MYO15A: variants seen among roughly 807,000 people sequenced by gnomAD.
MYO15A encodes myosin XVA.
In MYO15A, 308 loss-of-function variants were observed where a neutral mutation model predicts 394.6. The observed-to-expected ratio is 0.78, with a 90% CI of 0.71 to 0.86. The LOEUF is 0.86. Among genes scored for constraint, MYO15A ranks in the 40% least tolerant of loss-of-function variants. The pLI is 0.00. For synonymous variants in MYO15A, 1,957 were observed against 2,003.8 expected, an observed-to-expected ratio of 0.98 and a Z score of 0.62; for missense variants, 4,606 against 4,799.1, an observed-to-expected ratio of 0.96 and a Z score of 1.19.
chr17:18,120,817 G>A lies in MYO15A; in HGVS notation c.2017G>A (p.Gly673Arg), dbSNP rs1462012083. 28 of 1,218,272 alleles carry A rather than the reference G, an allele frequency of 2.3e-5. No individual in the cohort carries two copies. In the East Asian group the frequency reaches 7.3e-4, roughly 32 times the overall value. 75.5% of individuals were successfully genotyped at this position (1,218,272 alleles called of 1,614,324 possible). The part of the protein sequence containing the change: ...PPVPPRPPSS[G>R]PPPAPPLSPA... ...CGTGCCCCCGCGGCCCCCAAGCTCC[G>A]GGCCCCCGCCCGCGCCGCCGCTCTC... Residue 673 changes from glycine to arginine, a missense_variant, in exon 2 of 66, where the codon GGG becomes AGG. This residue lies in a region of MYO15A where 1,830 missense variants were observed against 1,689.7 expected (regional missense o/e 1.08). Coordinates refer to ENST00000647165, the MANE Select transcript of MYO15A (RefSeq NM_016239.4).
Position 18,132,697 on chromosome 17 carries a change from G to A in MYO15A, c.4320+131G>A. The A allele has an allele frequency of 1.3e-6, 1 of 767,274 alleles. No homozygotes were observed. Among genetic ancestry groups the A allele is most frequent in the Non-Finnish European group, 2.2e-6 (1 of 448,930 alleles). The allele number at this position is 767,274 out of a possible 1,614,324, so 47.5% of individuals were successfully genotyped here. A position where few individuals can be genotyped will look rare whatever the true frequency, so the allele number is the denominator to read the frequency against. ...AAGGAGATTTGGGGAGGGTGAGTTT[G>A]GATTTAAGACATCTCATGGCAGTGA... On this transcript the variant is annotated intron_variant, in intron 11 of 65. Transcript: ENST00000647165. The surrounding 1 kb of genome is among the most constrained non-coding windows in gnomAD (Gnocchi z 4.6).
intron 18 of MYO15A, 115 bp downstream of exon 18, chr17:18,139,051 G>C (rs2046332329): frequency 6.8e-7 from 1 of 1,462,892 alleles, no homozygotes; most frequent in Non-Finnish European, 9.3e-7. Context: ...TTCTGGCTCT[G>C]CTGTGCCCCA....
At position 18,120,399 on chromosome 17, in the gene MYO15A, C is replaced by T. The variant is rs2045892499; in HGVS notation, c.1599C>T (p.Gly533=). Residue 533 remains glycine, a synonymous_variant, in exon 2 of 66, where the codon GGC becomes GGT. Coordinates refer to ENST00000647165, the MANE Select transcript of MYO15A (RefSeq NM_016239.4). ...TGCCCTACGGCCACCCTTTCTGGGG[C>T]TTCCTCACGCCGCGCCAGCGCAACC... ...SAVPYGHPFW[G]FLTPRQRNLQ... 1.2e-6 allele frequency: 2 copies of T among 1,608,246 alleles called. No individual in the cohort carries two copies. The highest frequency in any genetic ancestry group is 1.3e-5 in the African/African-American group (1 of 74,870).
intron 43 of MYO15A, 113 bp from the exon 44 acceptor site, chr17:18,154,018 A>G (rs1004189742): frequency 1.2e-6 from 2 of 1,602,270 alleles, no homozygotes; most frequent in African/African-American, 1.3e-5. Flanking sequence ...GGCCGGGCTG[A>G]AACCAGGGGT....
At chr17:18,171,211 T>C (rs34474249) in intron 62 of MYO15A, among the ~76,000 whole-genome samples, 28,852 of 152,176 alleles carry the variant, frequency 0.19, 2,877 homozygotes, top group Middle Eastern at 0.26. Context: ...CTGCTCAAGG[T>C]TCTGCACAGC....
chr17:18,140,619 G>A lies in MYO15A; in HGVS notation c.5314G>A (p.Ala1772Thr), dbSNP rs774057633. ...TRLYKAHTVAAKFQQSLLDLV... is the reference protein window; with the variant it reads ...TRLYKAHTVATKFQQSLLDLV... ...GCTCTACAAGGCGCACACTGTGGCC[G>A]CCAAGTTCCAGCAGTCACTCCTGGA... The change falls in exon 20 of 66, where the codon GCC (alanine) becomes ACC (threonine). Residue 1772 changes from alanine (A) to threonine (T), a missense_variant. This residue lies in a region of MYO15A where 2,776 missense variants were observed against 3,109.3 expected (regional missense o/e 0.89). Coordinates refer to ENST00000647165, the MANE Select transcript of MYO15A (RefSeq NM_016239.4). 54 of 1,613,656 alleles carry A rather than the reference G, an allele frequency of 3.3e-5. 1 individual carries two copies. The highest frequency in any genetic ancestry group is 1.6e-4 in the Middle Eastern group (1 of 6,084).
rs368106470 is a variant in MYO15A, at chr17:18,163,836, G to A, written c.9785G>A (p.Arg3262His). ...NEYVIFVVTNRGQHVCPLSRR... is the reference protein window; with the variant it reads ...NEYVIFVVTNHGQHVCPLSRR... ...TATGTTATCTTCGTTGTCACCAACC[G>A]TGGTGAGTGCCAGGAAGACTGAGCA... is the stretch of plus-strand genomic sequence containing the variant. Residue 3262 changes from arginine to histidine, a missense_variant and splice_region_variant, in exon 60 of 66, where the codon CGT (arginine) becomes CAT (histidine). This residue lies in a region of MYO15A where 2,776 missense variants were observed against 3,109.3 expected (regional missense o/e 0.89). Coordinates refer to ENST00000647165, the MANE Select transcript of MYO15A (RefSeq NM_016239.4). The A allele has an allele frequency of 1.6e-5, 26 of 1,612,968 alleles. No individual in the cohort carries two copies. Among genetic ancestry groups the A allele is most frequent in the East Asian group, 6.7e-5 (3 of 44,870 alleles).
Position 18,118,708 on chromosome 17 carries a change from A to G in MYO15A, c.-93A>G. On this transcript the variant is annotated 5_prime_UTR_variant, in exon 2 of 66. Coordinates refer to ENST00000647165, the MANE Select transcript of MYO15A (RefSeq NM_016239.4). ...CACAGCCCGAGGAGGCCGCGTGTCC[A>G]GCCGCGGGCAAGAGACAGAGCAGGT... 6.3e-7 allele frequency: 1 copy of G among 1,586,464 alleles called. No individual in the cohort carries two copies. The highest frequency in any genetic ancestry group is 1.1e-5 in the South Asian group (1 of 87,360).
At chr17:18,144,041 C>T (rs1597796397) in intron 28 of MYO15A, 41 bp downstream of exon 28, 6 of 1,612,172 alleles carry the variant, frequency 3.7e-6, no homozygotes, top group South Asian at 1.1e-5. Context: ...GGCTGATAGG[C>T]GCTGACCAAT....
At chr17:18,114,879 A>G (rs1348722001) in intron 1 of MYO15A, among the ~76,000 whole-genome samples, 1 of 151,416 alleles carries the variant, frequency 6.6e-6, no homozygotes, top group African/African-American at 2.4e-5. Flanking sequence ...TCTTCCCTCT[A>G]TACTCATTCC....
chr17:18,152,593 T>C (rs2046603363), intron 42 of MYO15A, among the ~76,000 whole-genome samples: 1 of 137,938 alleles, frequency 7.2e-6, no homozygotes, highest in South Asian at 2.3e-4. Context: ...TTAACAGCTA[T>C]AAAGCAGTTC....
chr17:18,150,663 C>T lies in MYO15A; in HGVS notation c.7328-35C>T, dbSNP rs564703240. On this transcript the variant is annotated intron_variant, in intron 36 of 65. Transcript: ENST00000647165. This position sits in a 1 kb window ranked among gnomAD's most constrained non-coding sequence, Gnocchi z 4.4. ...GAGAGGACAGGGAGGAGGGCATCTC[C>T]GGTGCCATCTGTGCCTTCTGCCCCC... The T allele has an allele frequency of 4.6e-5, 74 of 1,592,294 alleles. No homozygotes were observed. The South Asian group carries it at 5.1e-4, about 11-fold the overall frequency.
chr17:18,179,350 G>A lies in MYO15A; in HGVS notation c.*480G>A. On this transcript the variant is annotated 3_prime_UTR_variant, in exon 66 of 66. Transcript: ENST00000647165. Reference sequence around the variant, plus strand: ...GTGCTGCCAGTCAGCCTGGATTTCTGGTCTTTGGTTATTTCTGTGCAAACA... The same window carrying A: ...GTGCTGCCAGTCAGCCTGGATTTCTAGTCTTTGGTTATTTCTGTGCAAACA... The A allele has an allele frequency of 4.9e-6, 1 of 205,514 alleles. No individual in the cohort carries two copies. Among genetic ancestry groups the A allele is most frequent in the Non-Finnish European group, 1.0e-5 (1 of 98,516 alleles). The allele number at this position is 205,514 out of a possible 1,614,324, so 12.7% of individuals were successfully genotyped here. A position where few individuals can be genotyped will look rare whatever the true frequency, so the allele number is the denominator to read the frequency against.
Position 18,118,685 on chromosome 17 carries a change from C to A in MYO15A, c.-116C>A. On this transcript the variant is annotated 5_prime_UTR_variant, in exon 2 of 66. Coordinates refer to ENST00000647165, the MANE Select transcript of MYO15A (RefSeq NM_016239.4). ...ACCCAGGGCCAGTCGGGTCTGCTCA[C>A]AGCCCGAGGAGGCCGCGTGTCCAGC... 1 of 1,537,406 alleles carries A rather than the reference C, an allele frequency of 6.5e-7. No individual in the cohort carries two copies. The highest frequency in any genetic ancestry group is 1.2e-5 in the South Asian group (1 of 82,658).
rs771248857 is a variant in MYO15A at position 18,121,652 on chromosome 17, G to A, written c.2852G>A (p.Arg951Gln). The A allele has an allele frequency of 5.3e-6, 7 of 1,332,862 alleles. No individual in the cohort carries two copies. Among genetic ancestry groups the A allele is most frequent in the African/African-American group, 3.2e-5 (2 of 62,670 alleles). The allele number at this position is 1,332,862 out of a possible 1,614,324, so 82.6% of individuals were successfully genotyped here. A position where few individuals can be genotyped will look rare whatever the true frequency, so the allele number is the denominator to read the frequency against. ...TGGCCAGGAGGTGCAGGCAGCCGCCGAGGCTTTTCCAGGCCACCCCCTGTG... is the reference window on the plus strand; with the variant it reads ...TGGCCAGGAGGTGCAGGCAGCCGCCAAGGCTTTTCCAGGCCACCCCCTGTG... ...SPWPGGAGSR[R>Q]GFSRPPPVPE... The change falls in exon 2 of 66, where the codon CGA becomes CAA. Residue 951 changes from arginine (R) to glutamine (Q), a missense_variant. Around this residue, in one of 2 missense-constraint regions of MYO15A, gnomAD observed 1,830 missense variants for 1,689.7 expected, o/e 1.08. Coordinates refer to ENST00000647165, the MANE Select transcript of MYO15A (RefSeq NM_016239.4). This position sits in a 1 kb window ranked among gnomAD's most constrained non-coding sequence, Gnocchi z 5.3.
At position 18,120,814 on chromosome 17, in the gene MYO15A, T is replaced by C. The variant is rs973362601; in HGVS notation, c.2014T>C (p.Ser672Pro). Residue 672 changes from serine to proline, a missense_variant, in exon 2 of 66, where the codon TCC (serine) becomes CCC (proline). Transcript: ENST00000647165. ...SPPVPPRPPS[S>P]GPPPAPPLSP... ...GCCCGTGCCCCCGCGGCCCCCAAGC[T>C]CCGGGCCCCCGCCCGCGCCGCCGCT... is the stretch of plus-strand genomic sequence containing the variant. 217 of 1,230,264 alleles carry C rather than the reference T, an allele frequency of 1.8e-4. 2 individuals are homozygous for C. The African/African-American group carries it at 3.2e-3, about 18-fold the overall frequency. The allele number at this position is 1,230,264 out of a possible 1,614,324, so 76.2% of individuals were successfully genotyped here.
chr17:18,112,410 G>A (rs975375408), intron 1 of MYO15A, among the ~76,000 whole-genome samples: 2 of 151,370 alleles, frequency 1.3e-5, no homozygotes, highest in African/African-American at 4.9e-5. Context: ...TTGGGGGGTC[G>A]TGGGGGACAG....
rs897497518 is a variant in MYO15A, at chr17:18,143,816, G to T, written c.6046+20G>T. ...TGGCAGGTGGGTCAGCACCAGGCGGGGGGAGGGCCCAGGCAGATCAGAGCA... is the reference window on the plus strand; with the variant it reads ...TGGCAGGTGGGTCAGCACCAGGCGGTGGGAGGGCCCAGGCAGATCAGAGCA... On this transcript the variant is annotated intron_variant, in intron 27 of 65. Coordinates refer to ENST00000647165, the MANE Select transcript of MYO15A (RefSeq NM_016239.4). The T allele has an allele frequency of 1.3e-6, 2 of 1,573,226 alleles. No homozygotes were observed. The highest frequency in any genetic ancestry group is 1.7e-6 in the Non-Finnish European group (2 of 1,159,350).
Position 18,131,421 on chromosome 17 carries a change from C to T in MYO15A, c.4143-47C>T, listed in dbSNP as rs375206449. The T allele has an allele frequency of 3.7e-6, 6 of 1,613,278 alleles. No individual in the cohort carries two copies. The African/African-American group carries it at 6.7e-5, about 18-fold the overall frequency. ...CTGCCACAGCCCCTCGGAGCCAACA[C>T]CAGCCCTCCTACCCTCACTGAGAGC... On this transcript the variant is annotated intron_variant, in intron 9 of 65. Transcript: ENST00000647165.
Sources: gnomAD v4.1 joint callset for allele counts (sites outside exome capture counted in the v4.1 genomes callset) on GRCh38, gnomAD v4.1.1 for gene constraint, gnomAD v4.1.1 regional missense constraint, Gnocchi (gnomAD v3.1) non-coding constraint, MANE v1.5 for transcripts, NCBI Gene and HGNC (gene_info 2026-07-23, HGNC 2026-07-21) for gene names.